The following WNT10A variants were observed in gnomAD, a reference collection of about 807,000 sequenced individuals.
WNT10A encodes Wnt family member 10A, also known as protein Wnt-10a.
In WNT10A, 37 loss-of-function variants were observed where a neutral mutation model predicts 36.1. The ratio of observed to expected loss-of-function variants is 1.02; its 90% confidence interval spans 0.79 to 1.35. The LOEUF is 1.35. Ranked by LOEUF, WNT10A falls within the 40% of genes most tolerant of loss-of-function variation. The pLI, the probability that WNT10A is intolerant of heterozygous loss-of-function variation, is 0.00. For synonymous variants in WNT10A, 255 were observed against 254.1 expected, an observed-to-expected ratio of 1.00 and a Z score of -0.03; for missense variants, 613 against 601.4, an observed-to-expected ratio of 1.02 and a Z score of -0.20.
Position 218,889,998 on chromosome 2 carries a change from G to A in WNT10A, c.391G>A (p.Ala131Thr), listed in dbSNP as rs372993798. The A allele has an allele frequency of 3.7e-5, 59 of 1,612,848 alleles. No homozygotes were observed. Among genetic ancestry groups the A allele is most frequent in the Non-Finnish European group, 4.7e-5 (55 of 1,180,050 alleles). The change falls in exon 3 of 4, where the codon GCT becomes ACT. Residue 131 changes from alanine (A) to threonine (T), a missense_variant. By Grantham distance (58) the Ala-to-Thr change is moderately conservative (BLOSUM62 0). Coordinates refer to ENST00000258411, the MANE Select transcript of WNT10A (RefSeq NM_025216.3). ...PIFSRGFRESAFAYAIAAAGV... is the reference protein window; with the variant it reads ...PIFSRGFRESTFAYAIAAAGV... ...TTTAACCACAGGTTTCCGAGAGAGC[G>A]CTTTTGCCTACGCCATCGCAGCAGC...
At position 218,890,206 on chromosome 2, in the gene WNT10A, C is replaced by T. The variant is rs1944633045; in HGVS notation, c.599C>T (p.Thr200Ile). ...HGVPEHPALP[T>I]ASPGLQDSWE... The stretch of plus-strand genomic sequence containing the variant: ...GTCCCGGAACACCCAGCCCTGCCCA[C>T]AGCCAGCCCAGGCCTGCAGGACTCC... Residue 200 changes from threonine (T) to isoleucine (I), a missense_variant, in exon 3 of 4, where the codon ACA becomes ATA. By Grantham distance (89) the Thr-to-Ile change is moderately conservative. Coordinates refer to ENST00000258411, the MANE Select transcript of WNT10A (RefSeq NM_025216.3). 2 of 1,613,958 alleles carry T rather than the reference C, an allele frequency of 1.2e-6. No homozygotes were observed. The highest frequency in any genetic ancestry group is 1.3e-5 in the African/African-American group (1 of 74,936).
At chr2:218,882,486 C>A in intron 2 of WNT10A, 63 bp downstream of exon 2, 3 of 1,602,818 alleles carry the variant, frequency 1.9e-6, no homozygotes, top group Non-Finnish European at 2.6e-6. Context: ...AGAATCTATT[C>A]CCAGCCATTT....
intron 1 of WNT10A, among the ~76,000 whole-genome samples, chr2:218,881,373 G>A (rs1041669802): frequency 6.6e-6 from 1 of 152,156 alleles, no homozygotes; most frequent in Non-Finnish European, 1.5e-5. Flanking sequence ...GGGGGAGCAA[G>A]TGCCAGTCTG....
At chr2:218,880,805 G>A (rs560559565), upstream of WNT10A, 3 of 524,506 alleles carry the variant, frequency 5.7e-6, no homozygotes, top group South Asian at 8.8e-5. This position sits in a 1 kb window ranked among gnomAD's most constrained non-coding sequence, Gnocchi z 7.7. Context: ...CCCCCCCCGA[G>A]GGCGGTGCCC....
intron 2 of WNT10A, among the ~76,000 whole-genome samples, chr2:218,886,561 T>C (rs1367500136): frequency 6.6e-6 from 1 of 152,076 alleles, no homozygotes; most frequent in Non-Finnish European, 1.5e-5. Flanking sequence ...TCCACTTAGA[T>C]GCTGGCAGTC....
intron 2 of WNT10A, among the ~76,000 whole-genome samples, chr2:218,883,625 G>T (rs1256867974): frequency 6.7e-6 from 1 of 149,662 alleles, no homozygotes; most frequent in Admixed American, 6.7e-5. Flanking sequence ...AGCCCGACGC[G>T]TGTGGCGGCA....
At chr2:218,882,102 A>G (rs1944523926) in intron 1 of WNT10A, 59 bp from the exon 2 acceptor site, 1 of 1,577,994 alleles carries the variant, frequency 6.3e-7, no homozygotes, top group African/African-American at 1.3e-5. Flanking sequence ...GTGTGTTGTT[A>G]GATGGGGCTC....
At position 218,893,001 on chromosome 2, in the gene WNT10A, C is replaced by CCGA. The variant is rs1416466883; in HGVS notation, c.987_989dup (p.Arg330dup). 3.8e-5 allele frequency: 58 copies of CCGA among 1,545,938 alleles called. No individual in the cohort carries two copies. Among genetic ancestry groups the CCGA allele is most frequent in the Non-Finnish European group, 4.9e-5 (57 of 1,156,844 alleles). On this transcript the variant is annotated inframe_insertion, in exon 4 of 4. Transcript: ENST00000258411. The surrounding 1 kb of genome is among the most constrained non-coding windows in gnomAD (Gnocchi z 6.3). ...CGGCTCCGGGCGCTCCCGGGCCGCG[C>CCGA]CGACGGGCCAGCCCCGCCGACCTGG...
chr2:218,884,626 A>G (rs1292536074), intron 2 of WNT10A, among the ~76,000 whole-genome samples: 3 of 152,132 alleles, frequency 2.0e-5, no homozygotes, highest in Non-Finnish European at 4.4e-5. Context: ...TCCACTGGCC[A>G]CCACTGCACC....
upstream of WNT10A, among the ~76,000 whole-genome samples, chr2:218,878,339 A>G (rs561871541): frequency 5.9e-5 from 9 of 152,238 alleles, no homozygotes; most frequent in Admixed American, 3.9e-4. The surrounding 1 kb of genome is among the most constrained non-coding windows in gnomAD (Gnocchi z 4.1). Flanking sequence ...TCCTGACACC[A>G]GGGCAGAGCC....
chr2:218,892,291 C>T (rs1944659451), intron 3 of WNT10A, among the ~76,000 whole-genome samples: 1 of 143,086 alleles, frequency 7.0e-6, no homozygotes, highest in Admixed American at 7.2e-5. Flanking sequence ...GAACACCCCT[C>T]CACCCACCCC....
At chr2:218,891,940 GAGACTCT>G (rs1944655216) in intron 3 of WNT10A, among the ~76,000 whole-genome samples, 1 of 152,116 alleles carries the variant, frequency 6.6e-6, no homozygotes, top group Non-Finnish European at 1.5e-5. Context: ...TCTTAGTAAG[GAGACTCT>G]AGAGCAGGTT....
intron 2 of WNT10A, among the ~76,000 whole-genome samples, chr2:218,885,226 G>A (rs1345820654): frequency 6.6e-6 from 1 of 152,220 alleles, no homozygotes; most frequent in African/African-American, 2.4e-5. Context: ...GTCAGAAAAA[G>A]CTGTGGGAGG....
chr2:218,887,126 G>A (rs1944588208), intron 2 of WNT10A, among the ~76,000 whole-genome samples: 2 of 152,212 alleles, frequency 1.3e-5, no homozygotes, highest in Admixed American at 6.5e-5. Context: ...TTTCGCAGCA[G>A]CAGGACTCCC....
the WNT10A span, among the ~76,000 whole-genome samples, chr2:218,875,448 C>T: frequency 2.6e-5 from 4 of 151,942 alleles, no homozygotes; most frequent in African/African-American, 7.2e-5. Context: ...CCTTGGCCTC[C>T]CAAAGTGCTG....
At chr2:218,883,327 A>G (rs1944539642) in intron 2 of WNT10A, among the ~76,000 whole-genome samples, 1 of 152,028 alleles carries the variant, frequency 6.6e-6, no homozygotes, top group South Asian at 2.1e-4. Context: ...GGTCTTGTCC[A>G]ATTTTCAGTG....
At position 218,890,291 on chromosome 2, in the gene WNT10A, T is replaced by C; in HGVS notation, c.684T>C (p.Phe228=). The C allele has an allele frequency of 6.2e-7, 1 of 1,607,520 alleles. No individual in the cohort carries two copies. Among genetic ancestry groups the C allele is most frequent in the East Asian group, 2.2e-5 (1 of 44,880 alleles). Residue 228 remains phenylalanine (F), a synonymous_variant, in exon 3 of 4, where the codon TTT becomes TTC. Coordinates refer to ENST00000258411, the MANE Select transcript of WNT10A (RefSeq NM_025216.3). ...TCGGGGAGCGCTTTTCTAAGGACTT[T>C]CTGGACTCCCGGGAGCCTCACAGAG... The part of the protein sequence containing the change: ...MGFGERFSKD[F]LDSREPHRDI...
intron 2 of WNT10A, among the ~76,000 whole-genome samples, chr2:218,887,447 C>T: frequency 6.6e-6 from 1 of 152,288 alleles, no homozygotes; most frequent in East Asian, 1.9e-4. Flanking sequence ...TTGGTTCCAT[C>T]CTCCTTCCCC....
At chr2:218,878,387 C>T (rs561003120), upstream of WNT10A, among the ~76,000 whole-genome samples, 39 of 152,276 alleles carry the variant, frequency 2.6e-4, no homozygotes, top group Admixed American at 7.2e-4. The surrounding 1 kb of genome is among the most constrained non-coding windows in gnomAD (Gnocchi z 4.1). Flanking sequence ...TATTTGCCTC[C>T]GGAGGCTTTT....
Sources: gnomAD v4.1 joint callset for allele counts (sites outside exome capture counted in the v4.1 genomes callset) on GRCh38, gnomAD v4.1.1 for gene constraint, Gnocchi (gnomAD v3.1) non-coding constraint, MANE v1.5 for transcripts, NCBI Gene and HGNC (gene_info 2026-07-23, HGNC 2026-07-21) for gene names.